SRGAP3: variants seen among roughly 807,000 people sequenced by gnomAD.
SRGAP3 encodes the protein SLIT-ROBO Rho GTPase activating protein 3, also known as SLIT-ROBO Rho GTPase-activating protein 3.
A neutral mutation model predicts 121.1 loss-of-function variants in SRGAP3; 39 were observed. That is an observed-to-expected ratio of 0.32 (90% CI 0.25 to 0.42). The LOEUF is 0.42. Ranked by LOEUF, SRGAP3 falls within the 10% of genes least tolerant of loss-of-function variation. The probability of loss-of-function intolerance (pLI) is 1.00; values close to 1 mark genes in which losing one functional copy is unlikely to be tolerated. For synonymous variants in SRGAP3, 601 were observed against 570.0 expected (o/e 1.05, Z -0.77); for missense variants, 1,213 against 1,470.6 (o/e 0.82, Z 2.86).
chr3:8,994,642 T>C (rs548265839), intron 18 of SRGAP3, 119 bp from the exon 19 acceptor site: 42 of 1,320,814 alleles, frequency 3.2e-5, no homozygotes, highest in Non-Finnish European at 8.5e-6. Context: ...GGTGAGAACA[T>C]GGACAGAACG....
chr3:9,310,123 G>A (rs1188980395), intron 3 of SRGAP3, among the ~76,000 whole-genome samples: 1 of 152,112 alleles, frequency 6.6e-6, no homozygotes, highest in Non-Finnish European at 1.5e-5. Flanking sequence ...TTACTTCTCT[G>A]AGCTCATTAA....
chr3:9,011,040 A>T (rs1943343903), intron 17 of SRGAP3, among the ~76,000 whole-genome samples: 1 of 58,096 alleles, frequency 1.7e-5, no homozygotes, highest in African/African-American at 6.2e-5. Flanking sequence ...ATAATCAGCC[A>T]GTTTTTTTTT....
chr3:9,333,560 G>T (rs571506024), intron 1 of SRGAP3, among the ~76,000 whole-genome samples: 2 of 152,132 alleles, frequency 1.3e-5, no homozygotes, highest in South Asian at 4.2e-4. Flanking sequence ...TCACATAACA[G>T]TCCTGCATTT....
chr3:9,276,557 C>G (rs1954582297), intron 3 of SRGAP3, among the ~76,000 whole-genome samples: 2 of 152,032 alleles, frequency 1.3e-5, no homozygotes, highest in African/African-American at 2.4e-5. Flanking sequence ...TCCTGAGTAG[C>G]TGGGATTATA....
rs1190896053 is a variant in SRGAP3, at chr3:9,249,207, A to C, written c.-256T>G. Reference sequence around the variant, plus strand: ...CTTGCAAAAGAAGAATCACCCTAGGAGCACAGTAACCTGCCCCAGATTTTC... The same window carrying C: ...CTTGCAAAAGAAGAATCACCCTAGGCGCACAGTAACCTGCCCCAGATTTTC... On this transcript the variant is annotated 5_prime_UTR_variant, in exon 1 of 22. Transcript: ENST00000383836. 2 of 565,232 alleles carry C rather than the reference A, an allele frequency of 3.5e-6. No homozygotes were observed. Among genetic ancestry groups the C allele is most frequent in the Admixed American group, 6.1e-5 (2 of 32,642 alleles). The allele number at this position is 565,232 out of a possible 1,614,324, so 35.0% of individuals were successfully genotyped here.
chr3:9,245,114 C>G (rs1265186710), intron 1 of SRGAP3, among the ~76,000 whole-genome samples: 1 of 152,208 alleles, frequency 6.6e-6, no homozygotes, highest in Non-Finnish European at 1.5e-5. Flanking sequence ...TTTTGGAGGT[C>G]CTTTTGGCAA....
intron 4 of SRGAP3, among the ~76,000 whole-genome samples, chr3:9,075,384 TGTGTGTGC>T (rs766296811): frequency 2.1e-5 from 3 of 142,976 alleles, no homozygotes; most frequent in Non-Finnish European, 4.5e-5. Flanking sequence ...AGTGTGTGTG[TGTGTGTGC>T]GCGCGCACAT....
chr3:9,157,929 C>T (rs11712016), intron 1 of SRGAP3, among the ~76,000 whole-genome samples: 10 of 152,062 alleles, frequency 6.6e-5, no homozygotes, highest in Non-Finnish European at 1.3e-4. Flanking sequence ...CTCAGACCCA[C>T]AAGTTTCTCT....
At chr3:9,361,870 T>C (rs150555479) in intron 1 of SRGAP3, among the ~76,000 whole-genome samples, 460 of 152,290 alleles carry the variant, frequency 3.0e-3, no homozygotes, top group Non-Finnish European at 5.4e-3. Context: ...ATCCCCTGCT[T>C]CACCTTTTGA....
At chr3:9,174,633 C>T (rs747363260) in intron 1 of SRGAP3, among the ~76,000 whole-genome samples, 3 of 152,184 alleles carry the variant, frequency 2.0e-5, no homozygotes, top group Non-Finnish European at 4.4e-5. Flanking sequence ...GGGAGTTCAC[C>T]TAAGGTTTCA....
chr3:9,066,353 G>C (rs575932577), intron 4 of SRGAP3, among the ~76,000 whole-genome samples: 1 of 152,192 alleles, frequency 6.6e-6, no homozygotes, highest in African/African-American at 2.4e-5. Flanking sequence ...CAGAGCCAAG[G>C]CTTCCCCCAG....
intron 11 of SRGAP3, chr3:9,034,400 T>C (rs1944648581): frequency 6.6e-6 from 1 of 152,224 alleles, no homozygotes; most frequent in Non-Finnish European, 1.5e-5. Flanking sequence ...TTCCAGACTA[T>C]GCAGCCAATC....
chr3:9,198,942 G>C (rs1369236476), intron 1 of SRGAP3, among the ~76,000 whole-genome samples: 1 of 152,190 alleles, frequency 6.6e-6, no homozygotes, highest in Non-Finnish European at 1.5e-5. Context: ...CAGACACACT[G>C]TCCTCTCTCT....
intron 10 of SRGAP3, among the ~76,000 whole-genome samples, chr3:9,046,836 C>CT (rs71049765): frequency 0.33 from 48,000 of 146,220 alleles, 7,729 homozygotes; most frequent in Middle Eastern, 0.37. Flanking sequence ...CTTTTCTTTT[C>CT]TTTTTTTTTT....
At position 9,077,590 on chromosome 3, in the gene SRGAP3, C is replaced by CT. The variant is rs574942048; in HGVS notation, c.486+2434dup. Reference sequence around the variant, plus strand: ...CTAGCTTCTGGTGACCCTCACCAGGCTGCTGTGGAAATGGCAAGGCATGGC... The same window carrying CT: ...CTAGCTTCTGGTGACCCTCACCAGGCTTGCTGTGGAAATGGCAAGGCATGGC... On this transcript the variant is annotated intron_variant, in intron 4 of 21. Transcript: ENST00000383836. 8.1e-3 allele frequency among the ~76,000 whole-genome samples: 1,229 copies of CT among 152,340 alleles called. 34 individuals carry two copies. Among genetic ancestry groups the CT allele is most frequent in the Non-Finnish European group, 6.2e-3 (420 of 68,028 alleles).
chr3:9,315,857 A>G (rs1403372378), intron 3 of SRGAP3, among the ~76,000 whole-genome samples: 1 of 152,244 alleles, frequency 6.6e-6, no homozygotes, highest in Non-Finnish European at 1.5e-5. Flanking sequence ...AAGAAACTGC[A>G]GCATAAAATT....
chr3:9,359,046 G>A (rs555407783), intron 1 of SRGAP3, among the ~76,000 whole-genome samples: 3 of 152,278 alleles, frequency 2.0e-5, no homozygotes, highest in South Asian at 4.1e-4. Context: ...GAAAGAACAC[G>A]GACTTGGATC....
At chr3:9,227,024 A>T (rs1436591585) in intron 1 of SRGAP3, among the ~76,000 whole-genome samples, 1 of 152,146 alleles carries the variant, frequency 6.6e-6, no homozygotes, top group Non-Finnish European at 1.5e-5. Context: ...CAAGCAGGCA[A>T]CAGAAATGAG....
intron 3 of SRGAP3, among the ~76,000 whole-genome samples, chr3:9,308,687 A>G (rs965097263): frequency 1.3e-5 from 2 of 152,204 alleles, no homozygotes; most frequent in Non-Finnish European, 2.9e-5. Context: ...TAAGACTGCA[A>G]TGACACCAAG....
Sources: gnomAD v4.1 joint callset for allele counts (sites outside exome capture counted in the v4.1 genomes callset) on GRCh38, gnomAD v4.1.1 for gene constraint, MANE v1.5 for transcripts, NCBI Gene and HGNC (gene_info 2026-07-23, HGNC 2026-07-21) for gene names.